The following HTT variants were observed in gnomAD, a reference collection of about 807,000 sequenced individuals.
The protein encoded by HTT is huntington disease protein.
In HTT, 104 loss-of-function variants were observed where a neutral mutation model predicts 362.3. The ratio of observed to expected loss-of-function variants is 0.29; its 90% CI spans 0.24 to 0.34. HTT has a LOEUF of 0.34. HTT is among the 10% of genes least tolerant of loss of function. The pLI, the probability that HTT is intolerant of heterozygous loss-of-function variation, is 1.00. For missense variants in HTT, 3,301 were observed against 3,928.6 expected, an observed-to-expected ratio of 0.84 and a Z score of 4.27; for synonymous variants, 1,577 against 1,548.7, an observed-to-expected ratio of 1.02 and a Z score of -0.43.
intron 45 of HTT, 136 bp downstream of exon 45, chr4:3,207,493 T>C: frequency 1.5e-6 from 1 of 676,266 alleles, no homozygotes; most frequent in Non-Finnish European, 2.6e-6. Context: ...AGTGCCATAA[T>C]AGAACCTTCC....
At chr4:3,170,578 G>A (rs544193010) in intron 29 of HTT, among the ~76,000 whole-genome samples, 4 of 152,232 alleles carry the variant, frequency 2.6e-5, no homozygotes, top group Middle Eastern at 3.4e-3. Flanking sequence ...TCTCTGTCTT[G>A]TTTTCTCTTC....
intron 29 of HTT, among the ~76,000 whole-genome samples, chr4:3,169,720 C>G (rs1280871513): frequency 2.6e-5 from 4 of 152,036 alleles, no homozygotes; most frequent in Non-Finnish European, 5.9e-5. Context: ...ACTATAGGCA[C>G]GTGCCACCAC....
At chr4:3,092,271 C>G (rs551924634) in intron 2 of HTT, among the ~76,000 whole-genome samples, 21 of 152,320 alleles carry the variant, frequency 1.4e-4, no homozygotes, top group East Asian at 9.6e-4. Flanking sequence ...ATCCGCGCCC[C>G]TCGGCCTCCC....
At chr4:3,207,044 C>T in intron 44 of HTT, 61 bp downstream of exon 44, 1 of 1,491,448 alleles carries the variant, frequency 6.7e-7, no homozygotes, top group Non-Finnish European at 9.1e-7. Flanking sequence ...CCAAGCAAAA[C>T]AGGTGGCTGG....
chr4:3,092,672 A>G (rs1389525714), intron 2 of HTT, among the ~76,000 whole-genome samples: 1 of 152,222 alleles, frequency 6.6e-6, no homozygotes, highest in Non-Finnish European at 1.5e-5. Flanking sequence ...ATGAGCCACC[A>G]CTTCTGACCA....
At chr4:3,208,545 T>C (rs1719978546) in intron 45 of HTT, among the ~76,000 whole-genome samples, 4 of 152,236 alleles carry the variant, frequency 2.6e-5, no homozygotes, top group Admixed American at 2.0e-4. Context: ...ACTGTGATAC[T>C]TAAAAGTAAA....
At chr4:3,214,360 G>C (rs2110278559) in intron 50 of HTT, among the ~76,000 whole-genome samples, 1 of 152,196 alleles carries the variant, frequency 6.6e-6, no homozygotes, top group South Asian at 2.1e-4. Context: ...ATTTTATTTA[G>C]ATTTTGAAGT....
intron 45 of HTT, among the ~76,000 whole-genome samples, chr4:3,208,378 C>A (rs1048806641): frequency 1.3e-5 from 2 of 152,202 alleles, no homozygotes; most frequent in Admixed American, 6.5e-5. Context: ...TATCAGTTGT[C>A]TTACTGGGAT....
At chr4:3,089,316 C>A (rs188332700) in intron 2 of HTT, among the ~76,000 whole-genome samples, 1 of 151,900 alleles carries the variant, frequency 6.6e-6, no homozygotes, top group Admixed American at 6.6e-5. Flanking sequence ...TGCAGTGGTG[C>A]AATCTCAGCT....
chr4:3,150,701 C>T (rs1308040785), intron 26 of HTT, among the ~76,000 whole-genome samples: 1 of 152,172 alleles, frequency 6.6e-6, no homozygotes, highest in Non-Finnish European at 1.5e-5. Context: ...TGTACATGCA[C>T]ATATACATGC....
intron 2 of HTT, among the ~76,000 whole-genome samples, chr4:3,098,519 GA>G (rs1448903277): frequency 6.6e-6 from 1 of 152,216 alleles, no homozygotes; most frequent in Non-Finnish European, 1.5e-5. Context: ...GGATGCTTCT[GA>G]ATGCTGTGAA....
intron 2 of HTT, among the ~76,000 whole-genome samples, chr4:3,098,849 C>G (rs1336107783): frequency 6.6e-6 from 1 of 152,142 alleles, no homozygotes; most frequent in Admixed American, 6.6e-5. Flanking sequence ...TAAAAGTAAA[C>G]TTTTGGTAGA....
At chr4:3,133,300 G>C (rs1383283379) in intron 18 of HTT, among the ~76,000 whole-genome samples, 1 of 148,164 alleles carries the variant, frequency 6.7e-6, no homozygotes, top group African/African-American at 2.5e-5. Flanking sequence ...GGGCAACATA[G>C]TTGACCCTGT....
rs890809954 is a variant in HTT, at chr4:3,160,366, C to G, written c.3838C>G (p.Leu1280Val). The change falls in exon 29 of 67, where the codon CTG (leucine) becomes GTG (valine). Residue 1280 changes from leucine to valine, a missense_variant. Physicochemically the swap from Leu to Val is conservative, Grantham distance 32. Around this residue, in one of 4 missense-constraint regions of HTT, gnomAD observed 2,316 missense variants for 2,658.5 expected, o/e 0.87. Transcript: ENST00000355072. ...GGATGTTCTTTCTCAGATACTAGAG[C>G]TGGCCACACTGCAGGACATTGGGAA... ...ALDVLSQILE[L>V]ATLQDIGKCV... The G allele has an allele frequency of 1.3e-6, 2 of 1,553,794 alleles. No individual in the cohort carries two copies. The highest frequency in any genetic ancestry group is 1.4e-5 in the African/African-American group (1 of 73,632).
chr4:3,078,896 A>G lies in HTT; in HGVS notation c.263+3808A>G, dbSNP rs551776110. ...ACTACAGGCGCCTGCCACCACGTCCAGCTAATTTTTTTGTATTTTTAATAG... is the reference window on the plus strand; with the variant it reads ...ACTACAGGCGCCTGCCACCACGTCCGGCTAATTTTTTTGTATTTTTAATAG... On this transcript the variant is annotated intron_variant, in intron 1 of 66. Transcript: ENST00000355072. 4.6e-5 allele frequency among the ~76,000 whole-genome samples: 7 copies of G among 152,228 alleles called. No homozygotes were observed. The South Asian group carries it at 1.2e-3, about 27-fold the overall frequency.
intron 40 of HTT, among the ~76,000 whole-genome samples, chr4:3,196,087 C>T (rs897846811): frequency 3.9e-5 from 6 of 152,160 alleles, no homozygotes; most frequent in East Asian, 1.9e-4. Context: ...GGGGACCAGG[C>T]GGGTGTCACC....
chr4:3,110,280 T>G (rs983634603), intron 6 of HTT, among the ~76,000 whole-genome samples: 1 of 152,244 alleles, frequency 6.6e-6, no homozygotes, highest in Non-Finnish European at 1.5e-5. Flanking sequence ...CTTTGGCCTT[T>G]TTGTCTTCTC....
At chr4:3,172,791 G>T in intron 30 of HTT, 117 bp from the exon 31 acceptor site, 2 of 752,632 alleles carry the variant, frequency 2.7e-6, no homozygotes, top group South Asian at 3.2e-5. Context: ...AGAATTTCAC[G>T]CTGTGAGTCT....
chr4:3,100,161 C>T (rs1202005758), intron 3 of HTT, among the ~76,000 whole-genome samples: 1 of 152,174 alleles, frequency 6.6e-6, no homozygotes, highest in Admixed American at 6.5e-5. Flanking sequence ...CTATGAGTCT[C>T]AGTTTTCTTA....
Sources: allele counts gnomAD v4.1 joint callset (sites outside exome capture counted in the v4.1 genomes callset), GRCh38; gene constraint gnomAD v4.1.1; regional missense constraint gnomAD v4.1.1; transcripts MANE v1.5; gene names NCBI Gene and HGNC (gene_info 2026-07-23, HGNC 2026-07-21).